OSBP2: variants seen among roughly 807,000 people sequenced by gnomAD.
OSBP2 encodes oxysterol-binding protein 2.
Under a neutral mutation model 96.0 loss-of-function variants are expected in OSBP2, and 66 were observed. The observed-to-expected ratio is 0.69, with a 90% CI of 0.56 to 0.84. The LOEUF (loss-of-function observed/expected upper bound fraction) is 0.84, where lower values mean the gene tolerates loss of function less well. Among genes scored for constraint, OSBP2 ranks in the 40% least tolerant of loss-of-function variants. The pLI is 0.00. For synonymous variants in OSBP2, 525 were observed against 520.9 expected (o/e 1.01, Z -0.11); for missense variants, 1,038 against 1,222.7 (o/e 0.85, Z 2.25).
At chr22:30,728,802 T>G (rs1259206665) in intron 1 of OSBP2, among the ~76,000 whole-genome samples, 1 of 152,228 alleles carries the variant, frequency 6.6e-6, no homozygotes, top group African/African-American at 2.4e-5. Flanking sequence ...TTCCAGGTTC[T>G]TATATGTAAC....
At chr22:30,900,798 A>C (rs1185755721) in intron 12 of OSBP2, among the ~76,000 whole-genome samples, 2 of 152,238 alleles carry the variant, frequency 1.3e-5, no homozygotes, top group Non-Finnish European at 2.9e-5. Flanking sequence ...ACTTATTGTA[A>C]ACAATGACTT....
chr22:30,791,676 G>A (rs916248370), intron 2 of OSBP2, among the ~76,000 whole-genome samples: 22 of 152,118 alleles, frequency 1.4e-4, no homozygotes, highest in Admixed American at 1.3e-4. Context: ...TAATGTATCC[G>A]TGCCACAGTT....
At chr22:30,745,478 G>A (rs1291241116) in intron 2 of OSBP2, among the ~76,000 whole-genome samples, 2 of 151,962 alleles carry the variant, frequency 1.3e-5, no homozygotes, top group African/African-American at 4.8e-5. Flanking sequence ...TGGCCAACAT[G>A]CTTAAGCCCC....
chr22:30,897,713 G>A (rs5753377), intron 12 of OSBP2, among the ~76,000 whole-genome samples: 39,485 of 152,132 alleles, frequency 0.26, 5,495 homozygotes, highest in East Asian at 0.49. Context: ...CGAAGGTAGC[G>A]GGGGAGGGCG....
chr22:30,896,086 C>A (rs1208388695), intron 12 of OSBP2, among the ~76,000 whole-genome samples: 4 of 151,640 alleles, frequency 2.6e-5, no homozygotes, highest in African/African-American at 4.8e-5. Context: ...GTGGCATGAT[C>A]TTGGCTCACT....
intron 12 of OSBP2, among the ~76,000 whole-genome samples, chr22:30,901,725 C>T (rs149160500): frequency 0.017 from 2,600 of 152,102 alleles, 83 homozygotes; most frequent in African/African-American, 0.06. Flanking sequence ...ATTAGCCAGG[C>T]GTGGTGGCAC....
chr22:30,795,606 G>A (rs1397136156), intron 2 of OSBP2, among the ~76,000 whole-genome samples: 4 of 143,456 alleles, frequency 2.8e-5, no homozygotes, highest in Non-Finnish European at 6.0e-5. Flanking sequence ...CACAACCTCC[G>A]CCTCCCAGGT....
intron 2 of OSBP2, among the ~76,000 whole-genome samples, chr22:30,774,049 C>G (rs912738174): frequency 2.0e-5 from 3 of 152,090 alleles, no homozygotes; most frequent in Non-Finnish European, 4.4e-5. Flanking sequence ...CTTCCTCTCC[C>G]GAGTGGAGGA....
intron 2 of OSBP2, among the ~76,000 whole-genome samples, chr22:30,812,724 A>G (rs992997222): frequency 6.6e-6 from 1 of 152,238 alleles, no homozygotes; most frequent in African/African-American, 2.4e-5. Flanking sequence ...AAAATAATGC[A>G]TAAATTGATA....
In OSBP2 at chr22:30,906,717, A is replaced by C; in HGVS notation, c.*378A>C. ...AGGGAGCCTCTTCGACTTTTTTAGA[A>C]AAATGATCTCCATTTCTTTCCAGCC... On this transcript the variant is annotated 3_prime_UTR_variant, in exon 14 of 14. Transcript: ENST00000332585. 1 of 182,362 alleles carries C rather than the reference A, an allele frequency of 5.5e-6. No homozygotes were observed. 11.3% of individuals were successfully genotyped at this position (182,362 alleles called of 1,614,324 possible).
At chr22:30,899,188 C>T (rs1381922413) in intron 12 of OSBP2, among the ~76,000 whole-genome samples, 2 of 151,848 alleles carry the variant, frequency 1.3e-5, no homozygotes, top group South Asian at 2.1e-4. Context: ...CAAGACCAAC[C>T]TGGGCAACAG....
At chr22:30,750,235 A>C (rs907452844) in intron 2 of OSBP2, among the ~76,000 whole-genome samples, 62 of 152,298 alleles carry the variant, frequency 4.1e-4, no homozygotes, top group African/African-American at 1.4e-3. Flanking sequence ...CTATGGAATG[A>C]ACAGTTGACC....
At chr22:30,814,306 G>A (rs1314129617) in intron 2 of OSBP2, among the ~76,000 whole-genome samples, 1 of 151,836 alleles carries the variant, frequency 6.6e-6, no homozygotes, top group Non-Finnish European at 1.5e-5. Flanking sequence ...TCTGCTTGTG[G>A]ATGGCTGCTT....
intron 2 of OSBP2, among the ~76,000 whole-genome samples, chr22:30,855,366 C>T (rs970003722): frequency 2.6e-5 from 4 of 152,104 alleles, no homozygotes; most frequent in South Asian, 2.1e-4. Flanking sequence ...GACTGTGGGC[C>T]GGCACCTTTG....
intron 1 of OSBP2, among the ~76,000 whole-genome samples, chr22:30,697,359 A>G (rs750267915): frequency 3.0e-4 from 45 of 151,872 alleles, no homozygotes; most frequent in Non-Finnish European, 6.3e-4. Context: ...GTTCACTGCA[A>G]CCTCCGCCTC....
intron 1 of OSBP2, among the ~76,000 whole-genome samples, chr22:30,700,502 A>G (rs2089139573): frequency 6.6e-6 from 1 of 152,134 alleles, no homozygotes; most frequent in Non-Finnish European, 1.5e-5. Flanking sequence ...TGTCATCAGC[A>G]AGTTTTTATG....
intron 3 of OSBP2, among the ~76,000 whole-genome samples, chr22:30,879,545 G>A (rs2147130672): frequency 6.6e-6 from 1 of 152,272 alleles, no homozygotes; most frequent in East Asian, 1.9e-4. Flanking sequence ...GTGAGGAGCA[G>A]GCCCTGGAAG....
chr22:30,708,036 T>G (rs2089284102), intron 1 of OSBP2, among the ~76,000 whole-genome samples: 1 of 151,836 alleles, frequency 6.6e-6, no homozygotes. Flanking sequence ...TACGGGCATC[T>G]GCCACCATGC....
chr22:30,879,519 T>G (rs1484757875), intron 3 of OSBP2, among the ~76,000 whole-genome samples: 1 of 152,246 alleles, frequency 6.6e-6, no homozygotes, highest in East Asian at 1.9e-4. Flanking sequence ...GCTACCAGCC[T>G]GGGCCAAGCG....
Sources: allele counts gnomAD v4.1 joint callset (sites outside exome capture counted in the v4.1 genomes callset), GRCh38; gene constraint gnomAD v4.1.1; transcripts MANE v1.5; gene names NCBI Gene and HGNC (gene_info 2026-07-23, HGNC 2026-07-21).